The following LILRB3 variants were observed in gnomAD, a reference collection of about 807,000 sequenced individuals.
LILRB3 encodes leukocyte immunoglobulin like receptor B3, also known as leukocyte immunoglobulin-like receptor subfamily B member 3.
A neutral mutation model predicts 68.2 loss-of-function variants in LILRB3; 32 were observed. The observed-to-expected ratio is 0.47, with a 90% CI of 0.35 to 0.63. The LOEUF (loss-of-function observed/expected upper bound fraction) is 0.63. Ranked by LOEUF, LILRB3 falls within the 30% of genes least tolerant of loss-of-function variation. The probability of loss-of-function intolerance (pLI) is 0.00; values close to 1 mark genes in which losing one functional copy is unlikely to be tolerated. For missense variants in LILRB3, 502 were observed against 791.3 expected (o/e 0.63, Z 4.39); for synonymous variants, 185 against 323.1 (o/e 0.57, Z 4.58).
Position 54,217,465 on chromosome 19 carries a change from C to T in LILRB3, c.1603G>A (p.Asp535Asn), listed in dbSNP as rs775829597. The T allele has an allele frequency of 1.2e-5, 19 of 1,608,682 alleles. No homozygotes were observed. The Admixed American group carries it at 1.5e-4, about 13-fold the overall frequency. The change falls in exon 12 of 13, where the codon GAT (aspartate) becomes AAT (asparagine). Residue 535 changes from aspartate (D) to asparagine (N), a missense_variant. Transcript: ENST00000445347. ...TACGTCACTGCCTGGGGGTCTTCATCGTGTGGGCTCTGCTGGAGAGAGACA... is the reference window on the plus strand; with the variant it reads ...TACGTCACTGCCTGGGGGTCTTCATTGTGTGGGCTCTGCTGGAGAGAGACA...
chr19:54,222,077 C>G (rs1392094211), exon 4 of LILRB3: 2 of 1,611,162 alleles, frequency 1.2e-6, no homozygotes, highest in East Asian at 4.5e-5. Flanking sequence ...ATATTCCCCC[C>G]TGAGGCCACC....
chr19:54,219,206 A>G (rs1415672167), exon 8 of LILRB3: 6 of 1,603,964 alleles, frequency 3.7e-6, no homozygotes, highest in Non-Finnish European at 5.1e-6. Context: ...GACGAAGGCC[A>G]CCGAGACCCC....
Position 54,219,324 on chromosome 19 carries a change from T to G in LILRB3, c.1310-79A>C, listed in dbSNP as rs2077835590. ...TGTGTGCAGGCGCGAGCCAGGTCTT[T>G]CCTTCGTGACCTCCAACCCTCACAA... On this transcript the variant is annotated intron_variant, in intron 7 of 12. Transcript: ENST00000445347. 6.0e-6 allele frequency: 9 copies of G among 1,499,880 alleles called. No individual in the cohort carries two copies. In the South Asian group the frequency reaches 1.2e-4, roughly 19 times the overall value. The allele number at this position is 1,499,880 out of a possible 1,614,324, so 92.9% of individuals were successfully genotyped here.
chr19:54,220,364 G>A (rs1448295368), intron 6 of LILRB3, among the ~76,000 whole-genome samples, 159 bp from the exon 7 acceptor site: 1 of 123,342 alleles, frequency 8.1e-6, no homozygotes, highest in South Asian at 2.6e-4. Context: ...GGGTGGCCAC[G>A]CCTAGGAGAA....
At chr19:54,219,035 T>C in intron 8 of LILRB3, 94 bp downstream of exon 8, 1 of 1,532,800 alleles carries the variant, frequency 6.5e-7, no homozygotes, top group Non-Finnish European at 8.8e-7. Flanking sequence ...GAACCGGTTT[T>C]CTAAACTGAC....
In LILRB3 at chr19:54,219,301, T is replaced by C. The variant is rs540161758; in HGVS notation, c.1310-56A>G. 3.8e-5 allele frequency: 57 copies of C among 1,509,052 alleles called. No homozygotes were observed. The African/African-American group carries it at 6.7e-4, about 18-fold the overall frequency. 93.5% of individuals were successfully genotyped at this position (1,509,052 alleles called of 1,614,324 possible). ...ATGTCATTGATGTGAGCACCTACTG[T>C]GTGCAGGCGCGAGCCAGGTCTTTCC... On this transcript the variant is annotated intron_variant, in intron 7 of 12. Transcript: ENST00000445347.
At position 54,219,590 on chromosome 19, in the gene LILRB3, C is replaced by T. The variant is rs929255611; in HGVS notation, c.1310-345G>A. 7 of 1,545,806 alleles carry T rather than the reference C, an allele frequency of 4.5e-6. No homozygotes were observed. The South Asian group carries it at 7.2e-5, about 16-fold the overall frequency. On this transcript the variant is annotated intron_variant, in intron 7 of 12. Coordinates refer to ENST00000445347, the Ensembl canonical transcript of LILRB3. ...TGCTCCCCTCCCCTGCCCCAGGTCACCGTCACTGCTGCAGGTGGGACGGGA... is the reference window on the plus strand; with the variant it reads ...TGCTCCCCTCCCCTGCCCCAGGTCATCGTCACTGCTGCAGGTGGGACGGGA...
Position 54,217,382 on chromosome 19 carries a change from CAGTG to C in LILRB3, c.1682_1685del (p.Ser561CysfsTer32), listed in dbSNP as rs756265849. On this transcript the variant is annotated frameshift_variant, in exon 12 of 13. Coordinates refer to ENST00000445347, the Ensembl canonical transcript of LILRB3. LOFTEE classifies it high-confidence loss of function. ...CCTTTGTGTCCAGGAATTCCCCAGA[CAGTG>C]AGGAGGGAGGAGAGGCCATTTCTCT... 5 of 1,594,044 alleles carry C rather than the reference CAGTG, an allele frequency of 3.1e-6. No homozygotes were observed. The highest frequency in any genetic ancestry group is 4.3e-6 in the Non-Finnish European group (5 of 1,170,352).
exon 8 of LILRB3, chr19:54,219,220 C>T (rs1478601718): frequency 2.5e-6 from 4 of 1,594,000 alleles, no homozygotes; most frequent in Non-Finnish European, 3.4e-6. Context: ...AGACCCCAAT[C>T]AAAACCTCCA....
At chr19:54,217,810 C>A (rs896652288) in intron 11 of LILRB3, 11 of 554,496 alleles carry the variant, frequency 2.0e-5, no homozygotes, top group African/African-American at 1.7e-4. Flanking sequence ...CAGATGACAG[C>A]TGAGCAGACA....
intron 7 of LILRB3, chr19:54,219,808 C>T: frequency 6.6e-7 from 1 of 1,523,894 alleles, no homozygotes; most frequent in Non-Finnish European, 8.9e-7. Context: ...GAACCTAGGA[C>T]AGAACCCACC....
Position 54,219,325 on chromosome 19 carries a change from C to T in LILRB3, c.1310-80G>A, listed in dbSNP as rs2077835873. On this transcript the variant is annotated intron_variant, in intron 7 of 12. Transcript: ENST00000445347. ...GTGTGCAGGCGCGAGCCAGGTCTTT[C>T]CTTCGTGACCTCCAACCCTCACAAG... 3 of 1,493,156 alleles carry T rather than the reference C, an allele frequency of 2.0e-6. No individual in the cohort carries two copies. The South Asian group carries it at 3.9e-5, about 19-fold the overall frequency. 92.5% of individuals were successfully genotyped at this position (1,493,156 alleles called of 1,614,324 possible).
chr19:54,217,621 C>G (rs1269689534), intron 11 of LILRB3, 147 bp from the exon 12 acceptor site: 6 of 1,133,562 alleles, frequency 5.3e-6, no homozygotes, highest in Non-Finnish European at 7.4e-6. Context: ...AGGGTCTGGC[C>G]GCTCCCTCCC....
At chr19:54,219,647 C>T (rs1392040619) in intron 7 of LILRB3, 3 of 1,485,412 alleles carry the variant, frequency 2.0e-6, no homozygotes, top group East Asian at 2.5e-5. Context: ...CTGGGAGGTT[C>T]CCTGGGAGGC....
intron 11 of LILRB3, 32 bp downstream of exon 11, chr19:54,218,329 C>G: frequency 6.2e-7 from 1 of 1,613,376 alleles, no homozygotes; most frequent in Middle Eastern, 1.8e-4. Flanking sequence ...CACCAGGAGG[C>G]CTTTGGTGCC....
intron 4 of LILRB3, 87 bp downstream of exon 4, chr19:54,221,741 T>C (rs1343211941): frequency 1.0e-5 from 16 of 1,588,414 alleles, no homozygotes; most frequent in African/African-American, 2.8e-5. Context: ...TCACTCTGGG[T>C]CCTTTCCAGA....
exon 9 of LILRB3, chr19:54,218,805 C>A: frequency 6.2e-7 from 1 of 1,614,082 alleles, no homozygotes; most frequent in Non-Finnish European, 8.5e-7. Context: ...CTCCGCAGCC[C>A]CTGCAGGACG....
chr19:54,219,820 C>T (rs753707723), intron 7 of LILRB3: 1 of 1,532,192 alleles, frequency 6.5e-7, no homozygotes. Context: ...GAACCCACCC[C>T]TGCCTCCCCT....
rs192011804 is a variant in LILRB3, at chr19:54,218,305, A to T, written c.1593+56T>A. ...GGGAAGGAGGACAGAGAAGTCCTGC[A>T]GGATTAGATCTGGCACCAGGAGGCC... On this transcript the variant is annotated intron_variant, in intron 11 of 12. Transcript: ENST00000445347. 1,139 of 1,606,666 alleles carry T rather than the reference A, an allele frequency of 7.1e-4. 12 individuals are homozygous for T. The African/African-American group carries it at 0.012, about 17-fold the overall frequency.
Sources: gnomAD v4.1 joint callset for allele counts (sites outside exome capture counted in the v4.1 genomes callset) on GRCh38, gnomAD v4.1.1 for gene constraint, MANE v1.5 for transcripts, NCBI Gene and HGNC (gene_info 2026-07-23, HGNC 2026-07-21) for gene names.